SSBP3: variants seen among roughly 807,000 people sequenced by gnomAD.
The protein encoded by SSBP3 is single stranded DNA binding protein 3, also known as single-stranded DNA-binding protein 3.
A neutral mutation model predicts 69.6 loss-of-function variants in SSBP3; 5 were observed. The ratio of observed to expected loss-of-function variants is 0.07; its 90% CI spans 0.04 to 0.15. The LOEUF is 0.15. SSBP3 is among the 10% of genes least tolerant of loss of function. SSBP3 has a pLI of 1.00. For synonymous variants in SSBP3, 196 were observed against 193.4 expected (o/e 1.01, Z -0.11); for missense variants, 312 against 534.0 (o/e 0.58, Z 4.10).
intron 3 of SSBP3, 143 bp downstream of exon 3, chr1:54,404,433 C>G: frequency 1.1e-6 from 1 of 916,216 alleles, no homozygotes. Context: ...CCAGCTGGGC[C>G]GGAGTGCCTC....
At chr1:54,370,047 T>C (rs1647102619) in intron 4 of SSBP3, among the ~76,000 whole-genome samples, 1 of 152,104 alleles carries the variant, frequency 6.6e-6, no homozygotes, top group Non-Finnish European at 1.5e-5. Context: ...GAGGGTTCCA[T>C]CATGTCTCCA....
intron 11 of SSBP3, among the ~76,000 whole-genome samples, chr1:54,241,933 A>G (rs191518845): frequency 3.7e-4 from 57 of 152,050 alleles, no homozygotes; most frequent in Admixed American, 1.4e-3. Context: ...TTCTCAGCTT[A>G]CTCCTTAGAG....
intron 4 of SSBP3, among the ~76,000 whole-genome samples, chr1:54,368,308 A>AG (rs1647062140): frequency 1.4e-5 from 2 of 146,850 alleles, no homozygotes; most frequent in Non-Finnish European, 1.5e-5. Context: ...AAAAAAAAAA[A>AG]GAAAACCTTA....
At chr1:54,240,767 T>C (rs1380953728) in intron 13 of SSBP3, 138 bp downstream of exon 13, 5 of 1,107,472 alleles carry the variant, frequency 4.5e-6, no homozygotes, top group South Asian at 4.2e-5. Flanking sequence ...GCCCTCTAAA[T>C]GCCCAGTGGA....
rs201180203 is a variant in SSBP3 at position 54,239,209 on chromosome 1, A to C, written c.857-10T>G. The C allele has an allele frequency of 6.2e-7, 1 of 1,601,752 alleles. No homozygotes were observed. The highest frequency in any genetic ancestry group is 8.5e-7 in the Non-Finnish European group (1 of 1,174,212). On this transcript the variant is annotated splice_polypyrimidine_tract_variant and intron_variant, in intron 13 of 17. Transcript: ENST00000610401. The stretch of plus-strand genomic sequence containing the variant: ...CTGGAATTTGTTGAATCTGTAGAAC[A>C]GTGGAAACCCACAAGTCGGGGTGAT...
intron 4 of SSBP3, among the ~76,000 whole-genome samples, chr1:54,379,009 C>CCCG (rs1395182927): frequency 6.6e-6 from 1 of 152,202 alleles, no homozygotes; most frequent in Non-Finnish European, 1.5e-5. Context: ...CTCTCCTGGC[C>CCCG]CCGCCACCGC....
At chr1:54,287,757 A>G (rs1030682348) in intron 4 of SSBP3, among the ~76,000 whole-genome samples, 2 of 152,170 alleles carry the variant, frequency 1.3e-5, no homozygotes, top group African/African-American at 4.8e-5. Flanking sequence ...CCAGATGGAA[A>G]GGCCAAGACA....
At chr1:54,331,291 C>A (rs1041045942) in intron 4 of SSBP3, among the ~76,000 whole-genome samples, 2 of 152,150 alleles carry the variant, frequency 1.3e-5, no homozygotes, top group African/African-American at 4.8e-5. Context: ...CCAACCACTT[C>A]CAGATGCTAC....
chr1:54,253,007 C>T (rs1644856449), intron 7 of SSBP3, among the ~76,000 whole-genome samples: 1 of 152,002 alleles, frequency 6.6e-6, no homozygotes, highest in African/African-American at 2.4e-5. Context: ...GAACTTCAAA[C>T]CGGTTTTGGA....
intron 7 of SSBP3, 121 bp from the exon 8 acceptor site, chr1:54,251,981 T>C (rs2297029): frequency 0.074 from 59,729 of 803,084 alleles, 3,409 homozygotes; most frequent in South Asian, 0.23. Context: ...ATGGCCTCCC[T>C]GAGACTTCTG....
chr1:54,292,988 C>T (rs191541738), intron 4 of SSBP3, among the ~76,000 whole-genome samples: 27 of 152,154 alleles, frequency 1.8e-4, no homozygotes, highest in Non-Finnish European at 3.5e-4. Flanking sequence ...GGATGGTTTG[C>T]TCCAAAAGTA....
At chr1:54,411,454 A>T (rs1198105747) in intron 1 of SSBP3, among the ~76,000 whole-genome samples, 1 of 147,698 alleles carries the variant, frequency 6.8e-6, no homozygotes, top group Non-Finnish European at 1.5e-5. Flanking sequence ...CTCCATCATG[A>T]GCGACAGAAC....
At chr1:54,252,048 T>C (rs865900355) in intron 7 of SSBP3, among the ~76,000 whole-genome samples, 188 bp from the exon 8 acceptor site, 2 of 152,302 alleles carry the variant, frequency 1.3e-5, no homozygotes, top group South Asian at 2.1e-4. Context: ...GAAGTGGTGT[T>C]AGCTATAACT....
At chr1:54,284,079 T>C (rs1262047376) in intron 4 of SSBP3, among the ~76,000 whole-genome samples, 1 of 152,010 alleles carries the variant, frequency 6.6e-6, no homozygotes, top group African/African-American at 2.4e-5. Context: ...AATTTCATTC[T>C]TCTTATGTAC....
At chr1:54,386,520 T>C (rs574647856) in intron 4 of SSBP3, among the ~76,000 whole-genome samples, 6 of 151,946 alleles carry the variant, frequency 3.9e-5, no homozygotes, top group Admixed American at 1.3e-4. Flanking sequence ...AGTTCCAAGG[T>C]TGCTCATATC....
chr1:54,273,397 C>T (rs1037037192), intron 5 of SSBP3, among the ~76,000 whole-genome samples: 2 of 152,158 alleles, frequency 1.3e-5, no homozygotes, highest in Non-Finnish European at 2.9e-5. Flanking sequence ...AGAGGGAGGG[C>T]GACTGAGCTG....
chr1:54,289,229 C>T (rs1024038987), intron 4 of SSBP3, among the ~76,000 whole-genome samples: 1 of 152,080 alleles, frequency 6.6e-6, no homozygotes, highest in Non-Finnish European at 1.5e-5. Flanking sequence ...GACCTTCTAG[C>T]TCTGCTCTTT....
At chr1:54,346,514 T>G (rs1646693236) in intron 4 of SSBP3, among the ~76,000 whole-genome samples, 1 of 151,992 alleles carries the variant, frequency 6.6e-6, no homozygotes, top group African/African-American at 2.4e-5. Flanking sequence ...TGGGCTCTTA[T>G]TTAGAAATAC....
chr1:54,231,158 C>T (rs542596272), intron 14 of SSBP3, among the ~76,000 whole-genome samples: 1 of 152,320 alleles, frequency 6.6e-6, no homozygotes, highest in Non-Finnish European at 1.5e-5. Flanking sequence ...TACATTCCCA[C>T]GAGCAGTGTC....
Sources: allele counts gnomAD v4.1 joint callset (sites outside exome capture counted in the v4.1 genomes callset), GRCh38; gene constraint gnomAD v4.1.1; transcripts MANE v1.5; gene names NCBI Gene and HGNC (gene_info 2026-07-23, HGNC 2026-07-21).